The following ROBO2 variants were observed in gnomAD, a reference collection of about 807,000 sequenced individuals.
ROBO2 encodes roundabout guidance receptor 2.
In ROBO2, 53 loss-of-function variants were observed where a neutral mutation model predicts 160.8. That is an observed-to-expected ratio of 0.33 (90% CI 0.26 to 0.41). ROBO2 has a LOEUF of 0.41. ROBO2 is among the 10% of genes least tolerant of loss of function. ROBO2 has a pLI of 1.00. For missense variants in ROBO2, 1,577 were observed against 1,722.4 expected, an observed-to-expected ratio of 0.92 and a Z score of 1.49; for synonymous variants, 664 against 611.7, an observed-to-expected ratio of 1.09 and a Z score of -1.26.
intron 2 of ROBO2, among the ~76,000 whole-genome samples, chr3:76,541,780 T>G (rs2082833688): frequency 6.6e-6 from 1 of 152,216 alleles, no homozygotes; most frequent in South Asian, 2.1e-4. Flanking sequence ...TTACGTGACC[T>G]AGGTTTTGAT....
At chr3:77,463,375 T>C (rs550264344) in intron 2 of ROBO2, among the ~76,000 whole-genome samples, 11 of 152,198 alleles carry the variant, frequency 7.2e-5, no homozygotes, top group African/African-American at 2.4e-4. Flanking sequence ...GGAAGAACCA[T>C]GGATATTAGT....
intron 2 of ROBO2, among the ~76,000 whole-genome samples, chr3:76,922,622 C>A (rs2076738009): frequency 6.6e-6 from 1 of 152,168 alleles, no homozygotes; most frequent in Non-Finnish European, 1.5e-5. Flanking sequence ...GAAGGAAAAG[C>A]AACGACCTAT....
chr3:76,508,459 C>T (rs1207608826), intron 2 of ROBO2, among the ~76,000 whole-genome samples: 2 of 152,080 alleles, frequency 1.3e-5, no homozygotes, highest in African/African-American at 4.8e-5. Context: ...CCTACTCAAT[C>T]TATTTTCTCC....
At chr3:75,968,947 G>A (rs1331785574) in intron 2 of ROBO2, among the ~76,000 whole-genome samples, 1 of 149,504 alleles carries the variant, frequency 6.7e-6, no homozygotes, top group African/African-American at 2.4e-5. Context: ...TACATAGATA[G>A]CACATAGAAT....
chr3:77,470,976 C>T (rs2083295823), intron 2 of ROBO2, among the ~76,000 whole-genome samples: 1 of 152,142 alleles, frequency 6.6e-6, no homozygotes, highest in Admixed American at 6.6e-5. Flanking sequence ...CCTTTCATTA[C>T]AATTATTTCT....
intron 2 of ROBO2, among the ~76,000 whole-genome samples, chr3:77,009,877 T>A (rs1292261195): frequency 7.4e-6 from 1 of 135,342 alleles, no homozygotes; most frequent in African/African-American, 2.8e-5. Flanking sequence ...ACCTGGGAGG[T>A]GGAGGTTGCA....
intron 4 of ROBO2, among the ~76,000 whole-genome samples, chr3:77,489,710 T>G (rs1275088944): frequency 6.6e-6 from 1 of 152,220 alleles, no homozygotes; most frequent in Non-Finnish European, 1.5e-5. Flanking sequence ...TATAAGTATT[T>G]TAATGGAACT....
intron 2 of ROBO2, among the ~76,000 whole-genome samples, chr3:76,368,156 A>G (rs2075923855): frequency 6.6e-6 from 1 of 151,994 alleles, no homozygotes; most frequent in African/African-American, 2.4e-5. Flanking sequence ...TATAATTACC[A>G]ATAAAATAGT....
chr3:76,981,915 T>C (rs2060119395), intron 2 of ROBO2, among the ~76,000 whole-genome samples: 1 of 152,104 alleles, frequency 6.6e-6, no homozygotes, highest in African/African-American at 2.4e-5. Flanking sequence ...AAACTCACTA[T>C]CTTACAGGCA....
At position 77,011,520 on chromosome 3, in the gene ROBO2, G is replaced by C. The variant is rs543506146; in HGVS notation, c.110-86494G>C. 1.1e-4 allele frequency among the ~76,000 whole-genome samples: 16 copies of C among 151,894 alleles called. No individual in the cohort carries two copies. In the East Asian group the frequency reaches 2.9e-3, roughly 28 times the overall value. On this transcript the variant is annotated intron_variant, in intron 2 of 26. Coordinates refer to the ROBO2 transcript ENST00000487694. Reference sequence around the variant, plus strand: ...ATAGCTTGGCTTCTGCTTGACTTTGGCCAATGTTAAGCATTTACAAGTGAT... The same window carrying C: ...ATAGCTTGGCTTCTGCTTGACTTTGCCCAATGTTAAGCATTTACAAGTGAT...
At chr3:76,776,752 A>G (rs1429702995) in intron 2 of ROBO2, among the ~76,000 whole-genome samples, 3 of 151,000 alleles carry the variant, frequency 2.0e-5, no homozygotes, top group Non-Finnish European at 4.5e-5. Context: ...ACACATCTCA[A>G]AGAGGCTAAT....
intron 2 of ROBO2, among the ~76,000 whole-genome samples, chr3:76,821,256 A>C (rs180788225): frequency 6.6e-6 from 1 of 152,128 alleles, no homozygotes; most frequent in Admixed American, 6.6e-5. Context: ...TTTTGGTTTT[A>C]ATGATTTAGT....
At chr3:77,387,338 CAA>C (rs59885508) in intron 2 of ROBO2, among the ~76,000 whole-genome samples, 24,383 of 121,822 alleles carry the variant, frequency 0.2, 2,494 homozygotes, top group East Asian at 0.51. Context: ...CCCCGTCTCT[CAA>C]AAAAAAAAAA....
At chr3:76,259,595 C>T (rs1559693131) in intron 2 of ROBO2, among the ~76,000 whole-genome samples, 1 of 152,124 alleles carries the variant, frequency 6.6e-6, no homozygotes, top group Admixed American at 6.6e-5. Flanking sequence ...GTGTTTTCCT[C>T]CTGAACAGAA....
intron 2 of ROBO2, among the ~76,000 whole-genome samples, chr3:77,014,948 A>AT (rs1235924209): frequency 6.6e-6 from 1 of 152,178 alleles, no homozygotes; most frequent in Non-Finnish European, 1.5e-5. Context: ...GATTAAAATT[A>AT]TAACTATCTA....
intron 2 of ROBO2, among the ~76,000 whole-genome samples, chr3:77,252,858 TAAAC>T (rs1313169912): frequency 1.7e-5 from 1 of 58,096 alleles, no homozygotes; most frequent in Non-Finnish European, 3.7e-5. Flanking sequence ...ATATGAAAAA[TAAAC>T]AGACGGTTTT....
chr3:75,937,938 G>A (rs994469883), intron 2 of ROBO2, among the ~76,000 whole-genome samples: 6 of 148,730 alleles, frequency 4.0e-5, no homozygotes, highest in African/African-American at 1.5e-4. Flanking sequence ...GTATGAGTTT[G>A]TGTTTGTGGT....
intron 1 of ROBO2, among the ~76,000 whole-genome samples, chr3:75,928,207 A>G (rs1947368500): frequency 1.3e-5 from 2 of 149,972 alleles, no homozygotes; most frequent in East Asian, 2.0e-4. Flanking sequence ...GATGGTCTCT[A>G]TCTCCTGACC....
chr3:77,309,785 G>A (rs934872530), intron 2 of ROBO2, among the ~76,000 whole-genome samples: 2 of 152,178 alleles, frequency 1.3e-5, no homozygotes, highest in African/African-American at 4.8e-5. Context: ...ATTTACATCA[G>A]CAAGAACCAC....
Sources: allele counts gnomAD v4.1 joint callset (sites outside exome capture counted in the v4.1 genomes callset), GRCh38; gene constraint gnomAD v4.1.1; transcripts MANE v1.5; gene names NCBI Gene and HGNC (gene_info 2026-07-23, HGNC 2026-07-21).